Variants in PPP2CA observed in about 807,000 individuals in gnomAD.
PPP2CA encodes the protein protein phosphatase 2 catalytic subunit alpha.
In PPP2CA, 5 loss-of-function variants were observed where a neutral mutation model predicts 38.8. That is an observed-to-expected ratio of 0.13 (90% CI 0.07 to 0.27). PPP2CA has a LOEUF of 0.27. Ranked by LOEUF, PPP2CA falls within the 10% of genes least tolerant of loss-of-function variation. The pLI, the probability that PPP2CA is intolerant of heterozygous loss-of-function variation, is 1.00. For missense variants in PPP2CA, 88 were observed against 389.7 expected (o/e 0.23, Z 6.52); for synonymous variants, 152 against 134.0 (o/e 1.13, Z -0.93).
chr5:134,213,787 A>G (rs575191649), intron 1 of PPP2CA, among the ~76,000 whole-genome samples: 91 of 152,342 alleles, frequency 6.0e-4, no homozygotes, highest in African/African-American at 2.0e-3. Flanking sequence ...AAATAAATAA[A>G]TAAAAGCACA....
At chr5:134,225,357 TG>T in intron 1 of PPP2CA, 1 of 184,684 alleles carries the variant, frequency 5.4e-6, no homozygotes, top group South Asian at 8.9e-5. Context: ...TAACTAGGCC[TG>T]GGTACCAGCG....
Position 134,201,894 on chromosome 5 carries a change from G to A in PPP2CA, c.440C>T (p.Thr147Ile). The part of the protein sequence containing the change: ...YGNANVWKYF[T>I]DLFDYLPLTA... ...GAGAGGAAGATAGTCAAAAAGATCTGTAAAATATTTCCAAACATTTGCATT... is the reference window on the plus strand; with the variant it reads ...GAGAGGAAGATAGTCAAAAAGATCTATAAAATATTTCCAAACATTTGCATT... The change falls in exon 3 of 7, where the codon ACA becomes ATA. Residue 147 changes from threonine to isoleucine, a missense_variant. By Grantham distance (89) the Thr-to-Ile change is moderately conservative. This residue lies in a region of PPP2CA where 36 missense variants were observed against 259.8 expected (regional missense o/e 0.14). Transcript: ENST00000481195. 1 of 1,613,920 alleles carries A rather than the reference G, an allele frequency of 6.2e-7. No homozygotes were observed. The highest frequency in any genetic ancestry group is 8.5e-7 in the Non-Finnish European group (1 of 1,179,928).
intron 1 of PPP2CA, among the ~76,000 whole-genome samples, chr5:134,215,035 C>T (rs1381555319): frequency 4.9e-5 from 3 of 61,038 alleles, no homozygotes; most frequent in Non-Finnish European, 8.6e-5. Context: ...AATCCTGCAT[C>T]CAAGAAAAAA....
intron 2 of PPP2CA, 168 bp downstream of exon 2, chr5:134,205,754 T>C: frequency 1.7e-6 from 1 of 589,902 alleles, no homozygotes; most frequent in Non-Finnish European, 3.0e-6. Flanking sequence ...ATCCCCTTAC[T>C]CAGAACGCAG....
intron 1 of PPP2CA, among the ~76,000 whole-genome samples, chr5:134,207,995 T>C (rs533842272): frequency 6.6e-6 from 1 of 152,344 alleles, no homozygotes; most frequent in South Asian, 2.1e-4. Flanking sequence ...CAAGTCTGTC[T>C]GGCATTAATA....
intron 2 of PPP2CA, among the ~76,000 whole-genome samples, chr5:134,203,913 G>A (rs1561735806): frequency 6.6e-6 from 1 of 152,124 alleles, no homozygotes; most frequent in African/African-American, 2.4e-5. Context: ...GGTCTCACTA[G>A]GTTGCCCAGG....
Position 134,197,794 on chromosome 5 carries a change from C to T in PPP2CA, c.908G>A (p.Arg303His), listed in dbSNP as rs752525656. Residue 303 changes from arginine (R) to histidine (H), a missense_variant, in exon 7 of 7, where the codon CGT (arginine) becomes CAT (histidine). By Grantham distance (29) the Arg-to-His change is conservative. Around this residue, in one of 4 missense-constraint regions of PPP2CA, gnomAD observed 36 missense variants for 259.8 expected, o/e 0.14. Transcript: ENST00000481195. ...TCATTACAGGAAGTAGTCTGGGGTA[C>T]GACGAGTAACATGTGGCTCGCCTCT... ...PRRGEPHVTRRTPDYFL is the reference protein window; with the variant it reads ...PRRGEPHVTRHTPDYFL 1.2e-6 allele frequency: 2 copies of T among 1,613,934 alleles called. No individual in the cohort carries two copies. The highest frequency in any genetic ancestry group is 1.7e-6 in the Non-Finnish European group (2 of 1,179,950).
intron 1 of PPP2CA, 141 bp downstream of exon 1, chr5:134,225,619 G>A: frequency 3.1e-6 from 2 of 649,692 alleles, no homozygotes; most frequent in Non-Finnish European, 4.8e-6. Context: ...GGAAGCCGCC[G>A]CCGGCCAGGA....
At chr5:134,198,207 G>A (rs922096973) in intron 6 of PPP2CA, among the ~76,000 whole-genome samples, 3 of 151,936 alleles carry the variant, frequency 2.0e-5, no homozygotes, top group East Asian at 1.9e-4. Flanking sequence ...TGGCTACCAC[G>A]GTGAAACCCC....
chr5:134,211,244 C>A (rs1762198070), intron 1 of PPP2CA, among the ~76,000 whole-genome samples: 1 of 152,074 alleles, frequency 6.6e-6, no homozygotes, highest in African/African-American at 2.4e-5. Context: ...GCATGCACCA[C>A]TGAGGACACT....
At chr5:134,207,131 C>T (rs542820800) in intron 1 of PPP2CA, among the ~76,000 whole-genome samples, 9 of 152,184 alleles carry the variant, frequency 5.9e-5, no homozygotes, top group Non-Finnish European at 1.2e-4. Context: ...CAGCCAGGCG[C>T]GGTGGCTCGC....
chr5:134,208,006 C>T (rs1447996939), intron 1 of PPP2CA, among the ~76,000 whole-genome samples: 1 of 152,012 alleles, frequency 6.6e-6, no homozygotes. Context: ...GGCATTAATA[C>T]CACATCTAGT....
rs565642562 is a variant in PPP2CA, at chr5:134,219,327, T to C, written c.102+6433A>G. Among the ~76,000 whole-genome samples, 9 of 152,330 alleles carry C rather than the reference T, an allele frequency of 5.9e-5. No homozygotes were observed. In the East Asian group the frequency reaches 1.7e-3, roughly 29 times the overall value. On this transcript the variant is annotated intron_variant, in intron 1 of 6. Transcript: ENST00000481195. ...ACAATGAAGGTTTATTAAATACTGG[T>C]TCCAAAATCAAATGTACACTGTCAC...
intron 1 of PPP2CA, among the ~76,000 whole-genome samples, chr5:134,220,776 G>A (rs1762424584): frequency 6.6e-6 from 1 of 152,084 alleles, no homozygotes; most frequent in South Asian, 2.1e-4. Context: ...CATGAGATAG[G>A]GAACATATTT....
chr5:134,207,679 T>C (rs1561737853), intron 1 of PPP2CA, among the ~76,000 whole-genome samples: 1 of 152,148 alleles, frequency 6.6e-6, no homozygotes, highest in Non-Finnish European at 1.5e-5. Flanking sequence ...TCAGTCTCCA[T>C]GAACAATTGC....
chr5:134,217,622 A>T (rs1039199615), intron 1 of PPP2CA, among the ~76,000 whole-genome samples: 1 of 152,226 alleles, frequency 6.6e-6, no homozygotes, highest in Non-Finnish European at 1.5e-5. Flanking sequence ...GTGCAAAAAA[A>T]TCCAAGGTTT....
intron 2 of PPP2CA, among the ~76,000 whole-genome samples, chr5:134,205,394 T>A (rs1271356463): frequency 6.6e-6 from 1 of 151,994 alleles, no homozygotes; most frequent in Non-Finnish European, 1.5e-5. Flanking sequence ...TTTCCTTTTT[T>A]TTTTTTTGAG....
chr5:134,206,199 C>T (rs1762079612), intron 1 of PPP2CA, 68 bp from the exon 2 acceptor site: 22 of 1,371,672 alleles, frequency 1.6e-5, no homozygotes, highest in Non-Finnish European at 2.1e-5. Flanking sequence ...GATTTGTTTA[C>T]TTACACTTAA....
chr5:134,222,418 T>C (rs183895557), intron 1 of PPP2CA, among the ~76,000 whole-genome samples: 14 of 152,228 alleles, frequency 9.2e-5, no homozygotes, highest in Admixed American at 2.6e-4. Context: ...AAGGAAGCAG[T>C]TTGTTTTTTC....
Sources: gnomAD v4.1 joint callset for allele counts (sites outside exome capture counted in the v4.1 genomes callset) on GRCh38, gnomAD v4.1.1 for gene constraint, gnomAD v4.1.1 regional missense constraint, MANE v1.5 for transcripts, NCBI Gene and HGNC (gene_info 2026-07-23, HGNC 2026-07-21) for gene names.